The following VPS13D variants were observed in gnomAD, a reference collection of about 807,000 sequenced individuals.
VPS13D encodes the protein intermembrane lipid transfer protein VPS13D.
VPS13D carries 187 observed loss-of-function variants against 461.9 expected under a neutral mutation model. The ratio of observed to expected loss-of-function variants is 0.40; its 90% CI spans 0.36 to 0.46. The LOEUF is 0.46. VPS13D is among the 20% of genes least tolerant of loss of function. The probability of loss-of-function intolerance (pLI) is 0.60; values close to 1 mark genes in which losing one functional copy is unlikely to be tolerated. For missense variants in VPS13D, 4,711 were observed against 5,364.9 expected (o/e 0.88, Z 3.81); for synonymous variants, 1,951 against 1,986.3 (o/e 0.98, Z 0.47).
Position 12,506,979 on chromosome 1 carries a change from C to T in VPS13D, c.12921C>T (p.Leu4307=). ...AIFLEVKYDD[L]YHCLVSKDHG... ...TCCTAGAAGTCAAATACGATGACCT[C>T]TACCACTGCCTTGTCTCCAAAGACC... Residue 4307 remains leucine, a synonymous_variant, in exon 69 of 70, where the codon CTC becomes CTT. Coordinates refer to ENST00000620676, the MANE Select transcript of VPS13D (RefSeq NM_015378.4). 6.2e-7 allele frequency: 1 copy of T among 1,614,264 alleles called. No homozygotes were observed. Among genetic ancestry groups the T allele is most frequent in the Non-Finnish European group, 8.5e-7 (1 of 1,180,044 alleles).
chr1:12,306,942 G>A (rs898073483), intron 26 of VPS13D, among the ~76,000 whole-genome samples: 3 of 152,156 alleles, frequency 2.0e-5, no homozygotes, highest in South Asian at 4.2e-4. Context: ...GGTAATGCTC[G>A]CTGACCTCCT....
chr1:12,443,256 T>C (rs1274518802), intron 65 of VPS13D, among the ~76,000 whole-genome samples: 4 of 152,276 alleles, frequency 2.6e-5, no homozygotes, highest in Non-Finnish European at 4.4e-5. Context: ...TTGTGACCTT[T>C]TGTCACTTAC....
intron 21 of VPS13D, among the ~76,000 whole-genome samples, chr1:12,283,980 A>G (rs1450616484): frequency 6.6e-6 from 1 of 152,152 alleles, no homozygotes; most frequent in Non-Finnish European, 1.5e-5. Context: ...TGAGCTCTAT[A>G]ATTCAGTGGA....
At chr1:12,412,306 A>G (rs1037628238) in intron 63 of VPS13D, among the ~76,000 whole-genome samples, 3 of 152,234 alleles carry the variant, frequency 2.0e-5, no homozygotes, top group African/African-American at 7.2e-5. Context: ...TGACAAGCTG[A>G]TTCTAAAATT....
rs114636999 is a variant in VPS13D at position 12,252,018 on chromosome 1, T to G, written c.565-1704T>G. ...AGTGGCTGCTGACGGTCATTGAGAT[T>G]GCTCAGCTTGCAGGTGCTTCACGCA... On this transcript the variant is annotated intron_variant, in intron 6 of 69. Coordinates refer to ENST00000620676, the MANE Select transcript of VPS13D (RefSeq NM_015378.4). Among the ~76,000 whole-genome samples, 236 of 152,258 alleles carry G rather than the reference T, an allele frequency of 1.5e-3. 1 individual carries two copies. Among genetic ancestry groups the G allele is most frequent in the African/African-American group, 5.5e-3 (230 of 41,554 alleles).
In VPS13D at chr1:12,249,256, G is replaced by C; in HGVS notation, c.481G>C (p.Asp161His). The change falls in exon 6 of 70, where the codon GAT (aspartate) becomes CAT (histidine). Residue 161 changes from aspartate (D) to histidine (H), a missense_variant. Transcript: ENST00000620676. The stretch of plus-strand genomic sequence containing the variant: ...TCAAGATGTCCATTTACGCTTTGAA[G>C]ATGGTGTCACCAATCCCTCCCATCC... ...KIQDVHLRFEDGVTNPSHPFA... is the reference protein window; with the variant it reads ...KIQDVHLRFEHGVTNPSHPFA... 6.2e-7 allele frequency: 1 copy of C among 1,613,696 alleles called. No individual in the cohort carries two copies.
At chr1:12,294,179 A>T (rs1351528736) in intron 24 of VPS13D, among the ~76,000 whole-genome samples, 2 of 152,248 alleles carry the variant, frequency 1.3e-5, no homozygotes, top group Non-Finnish European at 2.9e-5. Context: ...TGTCCTAACA[A>T]CTTAGTAGGT....
At chr1:12,254,300 C>G (rs1210207808) in intron 7 of VPS13D, among the ~76,000 whole-genome samples, 1 of 152,062 alleles carries the variant, frequency 6.6e-6, no homozygotes, top group Non-Finnish European at 1.5e-5. Flanking sequence ...TTTGGCCTCC[C>G]AAAGTGCTGG....
At position 12,354,108 on chromosome 1, in the gene VPS13D, T is replaced by C; in HGVS notation, c.9566T>C (p.Leu3189Ser). The change falls in exon 47 of 70, where the codon TTG becomes TCG. Residue 3189 changes from leucine to serine, a missense_variant. Transcript: ENST00000620676. ...YLLPTVVICN[L>S]LPCELDFYVK... is the part of the protein sequence containing the mutation. ...CTGCCAACTGTGGTAATCTGCAACT[T>C]GCTACCCTGTGAACTTGATTTTTAT... The C allele has an allele frequency of 6.2e-7, 1 of 1,614,214 alleles. No homozygotes were observed. The highest frequency in any genetic ancestry group is 8.5e-7 in the Non-Finnish European group (1 of 1,180,038).
At position 12,283,176 on chromosome 1, in the gene VPS13D, CGAG is replaced by C. The variant is rs1641842785; in HGVS notation, c.5078_5080del (p.Gly1693del). On this transcript the variant is annotated inframe_deletion, in exon 21 of 70. Coordinates refer to ENST00000620676, the MANE Select transcript of VPS13D (RefSeq NM_015378.4). ...TAAATATAAGAACCTGATGGTGTCT[CGAG>C]GAGCCCCTAAGCCATCTAGTTTAGC... 1 of 1,614,108 alleles carries C rather than the reference CGAG, an allele frequency of 6.2e-7. No individual in the cohort carries two copies. The highest frequency in any genetic ancestry group is 1.3e-5 in the African/African-American group (1 of 75,028).
chr1:12,376,815 G>A (rs1011139101), intron 55 of VPS13D, among the ~76,000 whole-genome samples: 2 of 152,180 alleles, frequency 1.3e-5, no homozygotes, highest in African/African-American at 4.8e-5. Flanking sequence ...AGATCTAGCT[G>A]GAGTGTAGGT....
chr1:12,413,586 T>C (rs1644757991), intron 63 of VPS13D, among the ~76,000 whole-genome samples: 1 of 152,136 alleles, frequency 6.6e-6, no homozygotes, highest in Admixed American at 6.5e-5. Context: ...ATCCTCCTCC[T>C]CCAGCCTCCT....
At chr1:12,399,270 C>T (rs1644541216) in intron 60 of VPS13D, among the ~76,000 whole-genome samples, 1 of 150,398 alleles carries the variant, frequency 6.6e-6, no homozygotes, top group Non-Finnish European at 1.5e-5. Flanking sequence ...TATCTCGGCT[C>T]ACTGCAACCT....
chr1:12,436,898 C>T (rs1243236075), intron 65 of VPS13D, among the ~76,000 whole-genome samples: 1 of 152,148 alleles, frequency 6.6e-6, no homozygotes, highest in Non-Finnish European at 1.5e-5. Context: ...GAACTCCCGA[C>T]CTCAGGTGAT....
chr1:12,326,059 T>A (rs1643174537), intron 35 of VPS13D, among the ~76,000 whole-genome samples: 1 of 151,544 alleles, frequency 6.6e-6, no homozygotes, highest in South Asian at 2.1e-4. Flanking sequence ...AAATTGTATC[T>A]GGGTTATTCC....
At chr1:12,508,320 C>T (rs1316163845) in intron 69 of VPS13D, among the ~76,000 whole-genome samples, 1 of 152,188 alleles carries the variant, frequency 6.6e-6, no homozygotes. Flanking sequence ...CATTCTTGCT[C>T]TTGGTCTTAC....
At position 12,353,918 on chromosome 1, in the gene VPS13D, A is replaced by C. The variant is rs1009615366; in HGVS notation, c.9432-56A>C. On this transcript the variant is annotated intron_variant, in intron 46 of 69. Transcript: ENST00000620676. ...TCTTTCTCATACTTAGCTAAGGAGAAAAAATTTAAGTTCTTCATTAAGTCT... is the reference window on the plus strand; with the variant it reads ...TCTTTCTCATACTTAGCTAAGGAGACAAAATTTAAGTTCTTCATTAAGTCT... The C allele has an allele frequency of 5.7e-6, 9 of 1,565,760 alleles. No homozygotes were observed. In the African/African-American group the frequency reaches 1.1e-4, roughly 19 times the overall value.
At position 12,283,469 on chromosome 1, in the gene VPS13D, A is replaced by G; in HGVS notation, c.5367A>G (p.Ile1789Met). 6.2e-7 allele frequency: 1 copy of G among 1,614,256 alleles called. No individual in the cohort carries two copies. The highest frequency in any genetic ancestry group is 8.5e-7 in the Non-Finnish European group (1 of 1,180,040). The change falls in exon 21 of 70, where the codon ATA becomes ATG. Residue 1789 changes from isoleucine to methionine, a missense_variant. By Grantham distance (10) the Ile-to-Met change is conservative (BLOSUM62 1). Around this residue, in one of 3 missense-constraint regions of VPS13D, gnomAD observed 4,411 missense variants for 4,937.8 expected, o/e 0.89. Transcript: ENST00000620676. ...KFDDSLVHIN[I>M]FLVDKKHPEF... ...ATGATTCCTTAGTCCACATCAACAT[A>G]TTCTTGGTAGATAAGAAACATCCAG...
At chr1:12,438,858 A>T (rs1324386696) in intron 65 of VPS13D, among the ~76,000 whole-genome samples, 1 of 152,136 alleles carries the variant, frequency 6.6e-6, no homozygotes. Flanking sequence ...CTTTTTGGCT[A>T]TTCTTCTCCA....
Sources: gnomAD v4.1 joint callset for allele counts (sites outside exome capture counted in the v4.1 genomes callset) on GRCh38, gnomAD v4.1.1 for gene constraint, gnomAD v4.1.1 regional missense constraint, MANE v1.5 for transcripts, NCBI Gene and HGNC (gene_info 2026-07-23, HGNC 2026-07-21) for gene names.